WWOX: variants seen among roughly 807,000 people sequenced by gnomAD.
The protein encoded by WWOX is WW domain containing oxidoreductase, also known as WW domain-containing oxidoreductase.
Under a neutral mutation model 46.2 loss-of-function variants are expected in WWOX, and 69 were observed. The ratio of observed to expected loss-of-function variants is 1.49; its 90% CI spans 1.23 to 1.82. The LOEUF (loss-of-function observed/expected upper bound fraction) is 1.82. Among genes scored for constraint, WWOX ranks in the 40% most tolerant of loss-of-function variants. The pLI is 0.00. For synonymous variants in WWOX, 359 were observed against 202.6 expected, an observed-to-expected ratio of 1.77 and a Z score of -6.56; for missense variants, 919 against 542.6, an observed-to-expected ratio of 1.69 and a Z score of -6.89.
At chr16:78,385,491 C>T (rs557025627) in intron 5 of WWOX, among the ~76,000 whole-genome samples, 5 of 152,290 alleles carry the variant, frequency 3.3e-5, no homozygotes, top group Admixed American at 2.0e-4. Flanking sequence ...AACTGAGGCT[C>T]AACAGTGTTA....
In WWOX at chr16:78,350,962, T is replaced by TAA. The variant is rs2081172560; in HGVS notation, c.517-35898_517-35897insAA. On this transcript the variant is annotated intron_variant, in intron 5 of 8. Coordinates refer to ENST00000566780, the MANE Select transcript of WWOX (RefSeq NM_016373.4). ...TCTCCATATCTTCACCAGCACTCGC[T>TAA]GTCATTTTTCTTTTTAGTCTTGTCA... 3.6e-5 allele frequency among the ~76,000 whole-genome samples: 2 copies of TAA among 56,224 alleles called. 1 individual carries two copies. Among genetic ancestry groups the TAA allele is most frequent in the Non-Finnish European group, 1.1e-4 (2 of 17,576 alleles). The allele number at this position is 56,224 out of a possible 152,430, so 36.9% of individuals were successfully genotyped here.
intron 8 of WWOX, among the ~76,000 whole-genome samples, chr16:78,729,551 C>G (rs977039711): frequency 1.3e-5 from 2 of 151,964 alleles, no homozygotes; most frequent in African/African-American, 4.8e-5. Context: ...TGTGCATCCA[C>G]AAGCTCAGAT....
At chr16:78,631,861 A>C (rs991228720) in intron 8 of WWOX, among the ~76,000 whole-genome samples, 1 of 152,184 alleles carries the variant, frequency 6.6e-6, no homozygotes, top group African/African-American at 2.4e-5. Flanking sequence ...AAGTAGGAGA[A>C]GCTTGCTCTC....
At chr16:78,567,140 C>A (rs529454639) in intron 8 of WWOX, among the ~76,000 whole-genome samples, 1 of 152,200 alleles carries the variant, frequency 6.6e-6, no homozygotes, top group African/African-American at 2.4e-5. Flanking sequence ...ATCACAAGCC[C>A]AACCCTGGTG....
At chr16:78,823,223 G>C (rs1447822903) in intron 8 of WWOX, among the ~76,000 whole-genome samples, 1 of 152,226 alleles carries the variant, frequency 6.6e-6, no homozygotes, top group Non-Finnish European at 1.5e-5. Context: ...CTTGGATGGT[G>C]CTGTATAGAA....
At chr16:78,202,416 A>C (rs761416627) in intron 5 of WWOX, among the ~76,000 whole-genome samples, 3 of 152,180 alleles carry the variant, frequency 2.0e-5, no homozygotes, top group Admixed American at 1.3e-4. Flanking sequence ...ATCTGGCTTT[A>C]TCCATTTTAA....
intron 8 of WWOX, among the ~76,000 whole-genome samples, chr16:78,909,830 C>G (rs776936602): frequency 7.2e-5 from 11 of 152,158 alleles, no homozygotes; most frequent in East Asian, 1.9e-4. Flanking sequence ...CAGTTACTGT[C>G]TGGGAATCCA....
intron 8 of WWOX, among the ~76,000 whole-genome samples, chr16:78,975,933 C>G (rs1230019846): frequency 6.6e-6 from 1 of 152,196 alleles, no homozygotes; most frequent in Non-Finnish European, 1.5e-5. Context: ...TTTGCCCTGC[C>G]ACCCTCCATC....
In WWOX at chr16:78,749,972, C is replaced by T. The variant is rs143555770; in HGVS notation, c.1056+317220C>T. 1.8e-4 allele frequency among the ~76,000 whole-genome samples: 28 copies of T among 152,238 alleles called. No individual in the cohort carries two copies. In the East Asian group the frequency reaches 5.0e-3, roughly 27 times the overall value. ...TGTTTACAAGTCAGATGCTTTTTGGCAGAGTGACTCTCAGCTCCCCCCAAC... is the reference window on the plus strand; with the variant it reads ...TGTTTACAAGTCAGATGCTTTTTGGTAGAGTGACTCTCAGCTCCCCCCAAC... On this transcript the variant is annotated intron_variant, in intron 8 of 8. Transcript: ENST00000566780.
At chr16:78,161,674 C>T (rs1473253466) in intron 4 of WWOX, among the ~76,000 whole-genome samples, 1 of 152,156 alleles carries the variant, frequency 6.6e-6, no homozygotes, top group African/African-American at 2.4e-5. Context: ...AAGCTGGTCA[C>T]AAGTGATCCT....
intron 5 of WWOX, among the ~76,000 whole-genome samples, chr16:78,260,858 A>G (rs1725841424): frequency 6.8e-6 from 1 of 148,022 alleles, no homozygotes; most frequent in Non-Finnish European, 1.5e-5. Context: ...AATCACTCGA[A>G]CCCGGGAGGT....
At chr16:78,709,027 C>T (rs945634042) in intron 8 of WWOX, among the ~76,000 whole-genome samples, 1 of 152,126 alleles carries the variant, frequency 6.6e-6, no homozygotes, top group African/African-American at 2.4e-5. Context: ...TGTTTCGAAA[C>T]GTGAAAATAA....
intron 8 of WWOX, among the ~76,000 whole-genome samples, chr16:79,126,963 A>G (rs1331841696): frequency 6.6e-6 from 1 of 152,150 alleles, no homozygotes; most frequent in Non-Finnish European, 1.5e-5. Flanking sequence ...TAGAGAAGAC[A>G]GAAAATAGGT....
At chr16:78,558,393 G>A (rs2044357125) in intron 8 of WWOX, among the ~76,000 whole-genome samples, 1 of 152,232 alleles carries the variant, frequency 6.6e-6, no homozygotes, top group Non-Finnish European at 1.5e-5. Context: ...AAACTTGGGA[G>A]ACATCCCATC....
intron 8 of WWOX, among the ~76,000 whole-genome samples, chr16:78,902,788 C>T (rs1017773261): frequency 3.3e-5 from 5 of 152,190 alleles, no homozygotes; most frequent in African/African-American, 1.2e-4. Context: ...ATCTGTTGTG[C>T]TTTCCTCTGC....
intron 1 of WWOX, among the ~76,000 whole-genome samples, chr16:78,103,107 G>C (rs2151657388): frequency 6.6e-6 from 1 of 152,258 alleles, no homozygotes; most frequent in South Asian, 2.1e-4. Flanking sequence ...CTGCTGCCTG[G>C]CCTTTCTCCC....
chr16:78,909,508 T>G (rs2045053461), intron 8 of WWOX, among the ~76,000 whole-genome samples: 1 of 152,204 alleles, frequency 6.6e-6, no homozygotes, highest in South Asian at 2.1e-4. Flanking sequence ...ACGGTTGGCC[T>G]CCTCTAGGTC....
At chr16:78,439,917 C>A (rs1026112717) in intron 8 of WWOX, among the ~76,000 whole-genome samples, 2 of 152,214 alleles carry the variant, frequency 1.3e-5, no homozygotes, top group South Asian at 2.1e-4. Flanking sequence ...TGAGGCTCCT[C>A]ATTGCATGCC....
chr16:79,055,248 C>A (rs962462043), intron 8 of WWOX, among the ~76,000 whole-genome samples: 1 of 151,482 alleles, frequency 6.6e-6, no homozygotes, highest in African/African-American at 2.5e-5. Flanking sequence ...CTTAATTAGC[C>A]AGCCTTTCTA....
Sources: allele counts gnomAD v4.1 joint callset (sites outside exome capture counted in the v4.1 genomes callset), GRCh38; gene constraint gnomAD v4.1.1; transcripts MANE v1.5; gene names NCBI Gene and HGNC (gene_info 2026-07-23, HGNC 2026-07-21).